BAG1: variants seen among roughly 807,000 people sequenced by gnomAD.
The protein encoded by BAG1 is BAG family molecular chaperone regulator 1.
In BAG1, 35 loss-of-function variants were observed where a neutral mutation model predicts 35.5. The ratio of observed to expected loss-of-function variants is 0.99; its 90% CI spans 0.75 to 1.31. The LOEUF is 1.31. Ranked by LOEUF, BAG1 falls within the 50% of genes most tolerant of loss-of-function variation. BAG1 has a pLI of 0.00. For missense variants in BAG1, 464 were observed against 453.6 expected (o/e 1.02, Z -0.21); for synonymous variants, 191 against 178.9 (o/e 1.07, Z -0.54).
At position 33,261,293 on chromosome 9, in the gene BAG1, G is replaced by C. The variant is rs1820565598; in HGVS notation, c.581-124C>G. On this transcript the variant is annotated intron_variant, in intron 2 of 6. Coordinates refer to ENST00000634734, the MANE Select transcript of BAG1 (RefSeq NM_004323.6). The stretch of plus-strand genomic sequence containing the variant: ...GAGAACTGGTATCTTTTTAGAGGGT[G>C]TCATGACCCAGTAATTTCATTTCCA... 1.5e-5 allele frequency: 9 copies of C among 599,130 alleles called. 1 individual carries two copies. In the South Asian group the frequency reaches 2.1e-4, roughly 14 times the overall value. The allele number at this position is 599,130 out of a possible 1,614,324, so 37.1% of individuals were successfully genotyped here. A position where few individuals can be genotyped will look rare whatever the true frequency, so the allele number is the denominator to read the frequency against.
Position 33,255,003 on chromosome 9 carries a change from A to G in BAG1, c.*216T>C. ...CTCCAGAAAAGGTGGATTGCTGGAC[A>G]GTACAACCACAGAGACAGAAGGAGA... On this transcript the variant is annotated 3_prime_UTR_variant, in exon 7 of 7. Transcript: ENST00000634734. The G allele has an allele frequency of 6.6e-7, 1 of 1,506,056 alleles. No homozygotes were observed. Among genetic ancestry groups the G allele is most frequent in the Non-Finnish European group, 8.9e-7 (1 of 1,118,900 alleles). The allele number at this position is 1,506,056 out of a possible 1,614,324, so 93.3% of individuals were successfully genotyped here.
rs1156850532 is a variant in BAG1 at position 33,264,703 on chromosome 9, G to A, written c.-29C>T. On this transcript the variant is annotated 5_prime_UTR_variant, in exon 1 of 7. Coordinates refer to ENST00000634734, the MANE Select transcript of BAG1 (RefSeq NM_004323.6). Reference sequence around the variant, plus strand: ...CGCACTTGTTGACCGCCCAGCGATGGAAGCTGAGCGCGGCGTCTCACAACC... The same window carrying A: ...CGCACTTGTTGACCGCCCAGCGATGAAAGCTGAGCGCGGCGTCTCACAACC... 73 of 1,361,258 alleles carry A rather than the reference G, an allele frequency of 5.4e-5. No individual in the cohort carries two copies. Among genetic ancestry groups the A allele is most frequent in the Non-Finnish European group, 4.7e-6 (5 of 1,062,764 alleles). The allele number at this position is 1,361,258 out of a possible 1,614,324, so 84.3% of individuals were successfully genotyped here.
At chr9:33,260,333 T>C (rs1317944724) in intron 3 of BAG1, 2 of 152,256 alleles carry the variant, frequency 1.3e-5, no homozygotes, top group African/African-American at 4.8e-5. Context: ...GGTAAACAAT[T>C]GATAGATAGG....
In BAG1 at chr9:33,262,724, A is replaced by G; in HGVS notation, c.558T>C (p.Ser186=). ...TACCCTTAAATATGAGTTTCTGAAA[A>G]GACTGTGGAACCCCTATGACCTCTT... Residue 186 remains serine (S), a synonymous_variant, in exon 2 of 7, where the codon TCT becomes TCC. Transcript: ENST00000634734. 1 of 1,605,624 alleles carries G rather than the reference A, an allele frequency of 6.2e-7. No homozygotes were observed. The highest frequency in any genetic ancestry group is 8.5e-7 in the Non-Finnish European group (1 of 1,177,470).
intron 6 of BAG1, 77 bp from the exon 7 acceptor site, chr9:33,255,385 C>A (rs1322241371): frequency 6.2e-7 from 1 of 1,603,584 alleles, no homozygotes; most frequent in Non-Finnish European, 8.5e-7. Context: ...CCTTGCTTAC[C>A]CATTCTGGGG....
At position 33,263,115 on chromosome 9, in the gene BAG1, C is replaced by T. The variant is rs192252738; in HGVS notation, c.452-285G>A. Reference sequence around the variant, plus strand: ...AGATAAACCCCACGAAGTAGATCTACCTATTACTTCTTATTTCACAGATGA... The same window carrying T: ...AGATAAACCCCACGAAGTAGATCTATCTATTACTTCTTATTTCACAGATGA... On this transcript the variant is annotated intron_variant, in intron 1 of 6. Transcript: ENST00000634734. 3.4e-3 allele frequency among the ~76,000 whole-genome samples: 520 copies of T among 152,326 alleles called. 2 individuals are homozygous for T. The highest frequency in any genetic ancestry group is 5.6e-3 in the South Asian group (27 of 4,826).
chr9:33,262,890 G>A (rs988282254), intron 1 of BAG1, 60 bp from the exon 2 acceptor site: 1 of 1,592,606 alleles, frequency 6.3e-7, no homozygotes, highest in East Asian at 2.3e-5. Context: ...AATATAGGAT[G>A]ACACTTTATC....
intron 4 of BAG1, among the ~76,000 whole-genome samples, chr9:33,258,605 T>A (rs1465218330): frequency 7.9e-5 from 12 of 152,252 alleles, no homozygotes; most frequent in Non-Finnish European, 4.4e-5. Context: ...GGTGCTCTCC[T>A]GTGAGCATAA....
intron 2 of BAG1, among the ~76,000 whole-genome samples, chr9:33,261,415 A>C (rs1376404188): frequency 1.3e-5 from 2 of 152,198 alleles, no homozygotes; most frequent in East Asian, 3.8e-4. Context: ...GAGAAACTGG[A>C]AAGAGCCAAA....
Position 33,253,534 on chromosome 9 carries a change from A to T in BAG1, c.*1685T>A, listed in dbSNP as rs1422727671. The T allele has an allele frequency of 6.6e-6, 1 of 152,200 alleles. No homozygotes were observed. Among genetic ancestry groups the T allele is most frequent in the Non-Finnish European group, 1.5e-5 (1 of 68,040 alleles). 9.4% of individuals were successfully genotyped at this position (152,200 alleles called of 1,614,324 possible). On this transcript the variant is annotated 3_prime_UTR_variant, in exon 7 of 7. Transcript: ENST00000634734. Reference sequence around the variant, plus strand: ...AATAGATCAATAGTGAACCACTCTGATTAAAGTTGGGGTGCGGTGGGCTGG... The same window carrying T: ...AATAGATCAATAGTGAACCACTCTGTTTAAAGTTGGGGTGCGGTGGGCTGG...
In BAG1 at chr9:33,255,246, C is replaced by T; in HGVS notation, c.1011G>A (p.Gln337=). The change falls in exon 7 of 7, where the codon CAG becomes CAA. Residue 337 remains glutamine (Q), a synonymous_variant. Coordinates refer to ENST00000634734, the MANE Select transcript of BAG1 (RefSeq NM_004323.6). Reference sequence around the variant, plus strand: ...ACTCGGCCAGGGCAAAGTTTGTAGACTGCAGCCGCTCAGTCTCCTGGCAGA... The same window carrying T: ...ACTCGGCCAGGGCAAAGTTTGTAGATTGCAGCCGCTCAGTCTCCTGGCAGA... 5 of 1,614,232 alleles carry T rather than the reference C, an allele frequency of 3.1e-6. No homozygotes were observed. Among genetic ancestry groups the T allele is most frequent in the Non-Finnish European group, 3.4e-6 (4 of 1,180,038 alleles).
At chr9:33,263,324 C>G (rs1409623209) in intron 1 of BAG1, among the ~76,000 whole-genome samples, 1 of 152,214 alleles carries the variant, frequency 6.6e-6, no homozygotes, top group African/African-American at 2.4e-5. Context: ...CTGTAATGGG[C>G]AAGTGACTGT....
Position 33,252,782 on chromosome 9 carries a change from C to T in BAG1, c.*2437G>A, listed in dbSNP as rs1262104840. 1 of 151,982 alleles carries T rather than the reference C, an allele frequency of 6.6e-6. No individual in the cohort carries two copies. Among genetic ancestry groups the T allele is most frequent in the Non-Finnish European group, 1.5e-5 (1 of 68,052 alleles). The allele number at this position is 151,982 out of a possible 1,614,324, so 9.4% of individuals were successfully genotyped here. ...CCCACCTGGGGGCTGGACAGGGTCT[C>T]AACACAGTAGGTGAGGGTTCTCCAT... On this transcript the variant is annotated 3_prime_UTR_variant, in exon 7 of 7. Coordinates refer to ENST00000634734, the MANE Select transcript of BAG1 (RefSeq NM_004323.6).
intron 3 of BAG1, 110 bp downstream of exon 3, chr9:33,260,977 G>A: frequency 4.9e-6 from 4 of 822,054 alleles, no homozygotes; most frequent in Non-Finnish European, 7.5e-6. Context: ...TTAGAGAGGT[G>A]TTTTATCAAT....
Position 33,264,332 on chromosome 9 carries a change from C to A in BAG1, c.343G>T (p.Glu115Ter). Residue 115 changes from glutamate to a stop codon, truncating the protein, a stop_gained, in exon 1 of 7, where the codon GAG (glutamate) becomes TAG (stop). Coordinates refer to ENST00000634734, the MANE Select transcript of BAG1 (RefSeq NM_004323.6). LOFTEE classifies it high-confidence loss of function. The stretch of plus-strand genomic sequence containing the variant: ...GTCACCTCCTGGCTCCGATTCATCT[C>A]TTCGCCCTGGGTCGCCTCCTCACTC... 3 of 1,613,830 alleles carry A rather than the reference C, an allele frequency of 1.9e-6. No homozygotes were observed. The highest frequency in any genetic ancestry group is 2.5e-6 in the Non-Finnish European group (3 of 1,179,910).
At chr9:33,262,378 C>T (rs960063330) in intron 2 of BAG1, 17 of 1,134,794 alleles carry the variant, frequency 1.5e-5, no homozygotes, top group Non-Finnish European at 1.7e-5. Flanking sequence ...TACCCTTGGC[C>T]AGGTGCAGTG....
Position 33,264,675 on chromosome 9 carries a change from G to T in BAG1, c.-1C>A, listed in dbSNP as rs1820674736. 2 of 1,356,650 alleles carry T rather than the reference G, an allele frequency of 1.5e-6. No individual in the cohort carries two copies. Among genetic ancestry groups the T allele is most frequent in the East Asian group, 3.0e-5 (1 of 33,618 alleles). The allele number at this position is 1,356,650 out of a possible 1,614,324, so 84.0% of individuals were successfully genotyped here. A position where few individuals can be genotyped will look rare whatever the true frequency, so the allele number is the denominator to read the frequency against. On this transcript the variant is annotated 5_prime_UTR_variant, in exon 1 of 7. Coordinates refer to ENST00000634734, the MANE Select transcript of BAG1 (RefSeq NM_004323.6). The stretch of plus-strand genomic sequence containing the variant: ...TCCGCGCCCCCCCGCGCTGAGCCAG[G>T]CCCGCACTTGTTGACCGCCCAGCGA...
At chr9:33,262,900 C>A in intron 1 of BAG1, 70 bp from the exon 2 acceptor site, 1 of 1,577,876 alleles carries the variant, frequency 6.3e-7, no homozygotes, top group Admixed American at 1.8e-5. Flanking sequence ...GACACTTTAT[C>A]ACATTTATTT....
In BAG1 at chr9:33,264,664, C is replaced by T; in HGVS notation, c.11G>A (p.Arg4His). ...GCCTCGCGGTCTCCGCGCCCCCCCG[C>T]GCTGAGCCAGGCCCGCACTTGTTGA... Residue 4 changes from arginine (R) to histidine (H), a missense_variant, in exon 1 of 7, where the codon CGC becomes CAC. Transcript: ENST00000634734. 7.4e-7 allele frequency: 1 copy of T among 1,347,634 alleles called. No individual in the cohort carries two copies. Among genetic ancestry groups the T allele is most frequent in the African/African-American group, 1.5e-5 (1 of 65,000 alleles). 83.5% of individuals were successfully genotyped at this position (1,347,634 alleles called of 1,614,324 possible).
Sources: allele counts gnomAD v4.1 joint callset (sites outside exome capture counted in the v4.1 genomes callset), GRCh38; gene constraint gnomAD v4.1.1; transcripts MANE v1.5; gene names NCBI Gene and HGNC (gene_info 2026-07-23, HGNC 2026-07-21).